The following HOMER1 variants were observed in gnomAD, a reference collection of about 807,000 sequenced individuals.
HOMER1 encodes homer protein homolog 1.
In HOMER1, 3 loss-of-function variants were observed where a neutral mutation model predicts 48.9. That is an observed-to-expected ratio of 0.06 (90% CI 0.03 to 0.16). The LOEUF is 0.16. Ranked by LOEUF, HOMER1 falls within the 10% of genes least tolerant of loss-of-function variation. HOMER1 has a pLI of 1.00. For synonymous variants in HOMER1, 134 were observed against 146.4 expected (o/e 0.92, Z 0.61); for missense variants, 247 against 411.4 (o/e 0.60, Z 3.46).
At chr5:79,384,002 T>C (rs1406180784) in intron 8 of HOMER1, among the ~76,000 whole-genome samples, 3 of 149,008 alleles carry the variant, frequency 2.0e-5, no homozygotes, top group Non-Finnish European at 4.5e-5. Flanking sequence ...ACAGCAAAAG[T>C]AAAAGCAGTA....
chr5:79,432,666 A>G (rs1333369875), intron 5 of HOMER1, among the ~76,000 whole-genome samples: 7 of 152,196 alleles, frequency 4.6e-5, no homozygotes, highest in African/African-American at 1.7e-4. Flanking sequence ...TCAAGACATG[A>G]AAATGTAAAT....
At chr5:79,417,878 A>G (rs192646804) in intron 5 of HOMER1, among the ~76,000 whole-genome samples, 1 of 152,352 alleles carries the variant, frequency 6.6e-6, no homozygotes, top group Admixed American at 6.5e-5. Context: ...CAGAATTGAA[A>G]TGATGCTTAT....
At chr5:79,463,500 G>A (rs902100467) in intron 1 of HOMER1, among the ~76,000 whole-genome samples, 3 of 152,190 alleles carry the variant, frequency 2.0e-5, no homozygotes, top group African/African-American at 7.2e-5. Flanking sequence ...CCTTGATGAT[G>A]TCACTGGACC....
At chr5:79,497,602 T>C (rs146768469) in intron 1 of HOMER1, among the ~76,000 whole-genome samples, 3,448 of 149,486 alleles carry the variant, frequency 0.023, 54 homozygotes, top group Middle Eastern at 0.062. Flanking sequence ...GAGGCGGAGG[T>C]TGCAGTGAGC....
At chr5:79,492,521 A>C (rs984910398) in intron 1 of HOMER1, among the ~76,000 whole-genome samples, 2 of 152,042 alleles carry the variant, frequency 1.3e-5, no homozygotes, top group African/African-American at 4.8e-5. Context: ...CCACCGTATT[A>C]AAGAATCCCT....
At chr5:79,477,066 G>A (rs746830202) in intron 1 of HOMER1, among the ~76,000 whole-genome samples, 3 of 152,130 alleles carry the variant, frequency 2.0e-5, no homozygotes, top group African/African-American at 4.8e-5. Flanking sequence ...TCTGTTTCCT[G>A]AGACCTGCTT....
At chr5:79,510,658 C>G in intron 1 of HOMER1, 5 of 925,498 alleles carry the variant, frequency 5.4e-6, no homozygotes, top group Non-Finnish European at 8.8e-6. Context: ...TCAAGGCCCT[C>G]CTAAAGCCCA....
intron 8 of HOMER1, among the ~76,000 whole-genome samples, chr5:79,394,033 CATT>C (rs1447902656): frequency 6.6e-6 from 1 of 152,046 alleles, no homozygotes; most frequent in Non-Finnish European, 1.5e-5. Flanking sequence ...TTGCTAAGTA[CATT>C]TTTTGAAATT....
At chr5:79,389,770 T>G (rs192985095) in intron 8 of HOMER1, among the ~76,000 whole-genome samples, 239 of 152,282 alleles carry the variant, frequency 1.6e-3, no homozygotes, top group Middle Eastern at 3.4e-3. Flanking sequence ...TAGTTTTCTA[T>G]TACAGCAGCA....
intron 1 of HOMER1, among the ~76,000 whole-genome samples, chr5:79,502,867 T>C (rs1752634913): frequency 1.3e-5 from 2 of 152,220 alleles, no homozygotes; most frequent in Admixed American, 6.5e-5. Flanking sequence ...CTCAGCTCAC[T>C]GCAAGCTCCG....
chr5:79,500,927 T>TTG (rs367742665), intron 1 of HOMER1, among the ~76,000 whole-genome samples: 1,734 of 124,198 alleles, frequency 0.014, 42 homozygotes, highest in African/African-American at 0.049. Flanking sequence ...ACCCAGCCAT[T>TTG]TGTGTGTGTG....
At chr5:79,455,549 G>A (rs1275011682) in intron 2 of HOMER1, among the ~76,000 whole-genome samples, 1 of 152,194 alleles carries the variant, frequency 6.6e-6, no homozygotes, top group Non-Finnish European at 1.5e-5. Flanking sequence ...GTGGAACTGT[G>A]AGTCAAGTAA....
intron 8 of HOMER1, 130 bp downstream of exon 8, chr5:79,396,693 A>G: frequency 2.0e-6 from 1 of 505,464 alleles, no homozygotes; most frequent in Non-Finnish European, 3.5e-6. Context: ...ATTAGGCATG[A>G]ATCAGAAGTC....
At chr5:79,476,565 T>C (rs2112334211) in intron 1 of HOMER1, among the ~76,000 whole-genome samples, 1 of 152,312 alleles carries the variant, frequency 6.6e-6, no homozygotes, top group South Asian at 2.1e-4. Flanking sequence ...TGAGTTCGAT[T>C]AATTTGCTGG....
At chr5:79,457,520 G>A (rs748539279) in intron 1 of HOMER1, among the ~76,000 whole-genome samples, 4 of 152,202 alleles carry the variant, frequency 2.6e-5, no homozygotes, top group Non-Finnish European at 5.9e-5. Context: ...ATGCTGAAGT[G>A]TTCCCAGATG....
intron 1 of HOMER1, among the ~76,000 whole-genome samples, chr5:79,458,076 A>T (rs886564132): frequency 2.6e-5 from 4 of 152,314 alleles, no homozygotes; most frequent in Middle Eastern, 3.4e-3. Context: ...AATATCTCTT[A>T]CTTAGATCAA....
At chr5:79,421,443 GC>G (rs1750096234) in intron 5 of HOMER1, among the ~76,000 whole-genome samples, 1 of 152,134 alleles carries the variant, frequency 6.6e-6, no homozygotes, top group South Asian at 2.1e-4. Context: ...AGACAAAAGA[GC>G]AAAGAAATAA....
chr5:79,421,189 T>C (rs1750088073), intron 5 of HOMER1, among the ~76,000 whole-genome samples: 1 of 152,238 alleles, frequency 6.6e-6, no homozygotes. Flanking sequence ...CCTTTGAAGC[T>C]ATGTTACAAG....
intron 2 of HOMER1, among the ~76,000 whole-genome samples, chr5:79,454,108 G>T (rs1367637955): frequency 6.6e-6 from 1 of 152,154 alleles, no homozygotes; most frequent in Non-Finnish European, 1.5e-5. Flanking sequence ...AAAAATGCAA[G>T]AGCAACATTT....
Sources: gnomAD v4.1 joint callset for allele counts (sites outside exome capture counted in the v4.1 genomes callset) on GRCh38, gnomAD v4.1.1 for gene constraint, MANE v1.5 for transcripts, NCBI Gene and HGNC (gene_info 2026-07-23, HGNC 2026-07-21) for gene names.